Variants in CMSS1 observed in about 807,000 individuals in gnomAD.
CMSS1 encodes the protein cms1 ribosomal small subunit homolog.
In CMSS1, 33 loss-of-function variants were observed where a neutral mutation model predicts 43.5. That is an observed-to-expected ratio of 0.76 (90% CI 0.57 to 1.01). CMSS1 has a LOEUF of 1.01. Among genes scored for constraint, CMSS1 ranks in the 50% least tolerant of loss-of-function variants. CMSS1 has a pLI of 0.00. For synonymous variants in CMSS1, 115 were observed against 117.2 expected (o/e 0.98, Z 0.12); for missense variants, 313 against 326.4 (o/e 0.96, Z 0.32).
In CMSS1 at chr3:100,180,354, GC is replaced by G. The variant is rs1484580938; in HGVS notation, c.*1967del. 6.6e-6 allele frequency: 1 copy of G among 152,218 alleles called. No individual in the cohort carries two copies. The highest frequency in any genetic ancestry group is 2.4e-5 in the African/African-American group (1 of 41,468). 9.4% of individuals were successfully genotyped at this position (152,218 alleles called of 1,614,324 possible). On this transcript the variant is annotated 3_prime_UTR_variant, in exon 10 of 10. Transcript: ENST00000421999. ...ACATGGTCAGGCTGCAAATTTTCAA[GC>G]TTTTATACTCTGCTTTGCTTTTAAA...
At chr3:100,010,253 A>C in intron 1 of CMSS1, 2 of 379,498 alleles carry the variant, frequency 5.3e-6, no homozygotes, top group Non-Finnish European at 7.2e-6. Flanking sequence ...TTTTCCCCCC[A>C]CAACATTGTC....
At chr3:99,887,010 G>A (rs1705923124) in intron 1 of CMSS1, among the ~76,000 whole-genome samples, 1 of 151,034 alleles carries the variant, frequency 6.6e-6, no homozygotes. Context: ...GGTGGCTCAT[G>A]CCTGTAATCC....
chr3:99,907,726 T>C (rs374038152), intron 1 of CMSS1, among the ~76,000 whole-genome samples: 1 of 152,154 alleles, frequency 6.6e-6, no homozygotes, highest in Non-Finnish European at 1.5e-5. Context: ...CCTATAATGA[T>C]TTTTGTGTTC....
rs151028445 is a variant in CMSS1, at chr3:99,980,595, G to T, written c.64+162552G>T. On this transcript the variant is annotated intron_variant, in intron 1 of 9. Coordinates refer to ENST00000421999, the MANE Select transcript of CMSS1 (RefSeq NM_032359.4). Reference sequence around the variant, plus strand: ...ACTTAAGAAAAATTTAAAAATTACTGGCTTTCAGCAGTTTTTAGATTTCAG... The same window carrying T: ...ACTTAAGAAAAATTTAAAAATTACTTGCTTTCAGCAGTTTTTAGATTTCAG... Among the ~76,000 whole-genome samples the T allele has an allele frequency of 4.0e-3, 610 of 152,218 alleles. 2 individuals carry two copies. Among genetic ancestry groups the T allele is most frequent in the Non-Finnish European group, 5.4e-3 (367 of 68,024 alleles).
chr3:100,044,126 A>C (rs1027327878), intron 1 of CMSS1, among the ~76,000 whole-genome samples: 2 of 152,214 alleles, frequency 1.3e-5, no homozygotes, highest in Non-Finnish European at 2.9e-5. Flanking sequence ...CTTTAGAACA[A>C]GACACATTGA....
intron 1 of CMSS1, among the ~76,000 whole-genome samples, chr3:99,857,762 G>A (rs1413891415): frequency 1.3e-5 from 2 of 152,198 alleles, no homozygotes; most frequent in Non-Finnish European, 2.9e-5. Flanking sequence ...CCTGTAAATA[G>A]AGAATAACTT....
At chr3:100,112,701 A>G (rs1240348683) in intron 1 of CMSS1, among the ~76,000 whole-genome samples, 4 of 152,170 alleles carry the variant, frequency 2.6e-5, no homozygotes, top group African/African-American at 9.7e-5. Flanking sequence ...TGCTTTGGGA[A>G]ATTACTGAGA....
chr3:100,152,502 T>G (rs1016738149), intron 2 of CMSS1, among the ~76,000 whole-genome samples: 10 of 152,202 alleles, frequency 6.6e-5, no homozygotes, highest in Admixed American at 2.0e-4. Flanking sequence ...AGAGGCAGCT[T>G]GTTTAAAAAA....
chr3:99,909,610 CT>C (rs1307592058), intron 1 of CMSS1, among the ~76,000 whole-genome samples: 2 of 152,104 alleles, frequency 1.3e-5, no homozygotes, highest in African/African-American at 4.8e-5. Flanking sequence ...CTTGAAAAAT[CT>C]TTGCATAAAG....
chr3:100,037,466 ACG>A (rs1491043098), intron 1 of CMSS1, among the ~76,000 whole-genome samples: 3 of 152,168 alleles, frequency 2.0e-5, no homozygotes, highest in Non-Finnish European at 4.4e-5. Context: ...ACACACACAC[ACG>A]CACATTGTTA....
chr3:100,003,585 C>G (rs78665059), intron 1 of CMSS1, among the ~76,000 whole-genome samples: 1 of 152,114 alleles, frequency 6.6e-6, no homozygotes, highest in East Asian at 1.9e-4. Context: ...GAATCTCAGT[C>G]CCTTGACACT....
chr3:100,132,652 T>G (rs1391541365), intron 1 of CMSS1, among the ~76,000 whole-genome samples: 1 of 151,510 alleles, frequency 6.6e-6, no homozygotes, highest in Non-Finnish European at 1.5e-5. Context: ...ACCCCGTCTC[T>G]ACTAAAAATA....
chr3:99,999,922 C>A (rs539017733), intron 1 of CMSS1, among the ~76,000 whole-genome samples: 2 of 152,216 alleles, frequency 1.3e-5, no homozygotes, highest in African/African-American at 4.8e-5. Flanking sequence ...GGACTATGGG[C>A]CTCTGTTTGT....
At chr3:99,821,989 C>T (rs1331296009) in intron 1 of CMSS1, among the ~76,000 whole-genome samples, 1 of 151,786 alleles carries the variant, frequency 6.6e-6, no homozygotes, top group Non-Finnish European at 1.5e-5. Context: ...GAGCTTGCGA[C>T]GAGCCAAGAT....
intron 1 of CMSS1, among the ~76,000 whole-genome samples, chr3:99,818,930 T>C (rs78138712): frequency 6.6e-6 from 1 of 152,366 alleles, no homozygotes; most frequent in Non-Finnish European, 1.5e-5. Context: ...CATGCAATTA[T>C]TGGTTGGTTG....
chr3:99,998,490 AAGGGAAGT>A (rs1330653552), intron 1 of CMSS1, among the ~76,000 whole-genome samples: 1 of 152,186 alleles, frequency 6.6e-6, no homozygotes, highest in Non-Finnish European at 1.5e-5. Flanking sequence ...CAATTTGGTA[AAGGGAAGT>A]AGGGAAGTAG....
chr3:100,062,275 C>A (rs1393620051), intron 1 of CMSS1, among the ~76,000 whole-genome samples: 1 of 151,594 alleles, frequency 6.6e-6, no homozygotes, highest in Non-Finnish European at 1.5e-5. Context: ...CCACGCCCAG[C>A]TATTTTTTTG....
At chr3:99,839,678 GA>G (rs767444521) in intron 1 of CMSS1, among the ~76,000 whole-genome samples, 17 of 152,180 alleles carry the variant, frequency 1.1e-4, no homozygotes, top group Non-Finnish European at 2.5e-4. Context: ...AGGTATCTTT[GA>G]AAGAGACAGA....
intron 1 of CMSS1, among the ~76,000 whole-genome samples, chr3:99,834,530 C>T (rs1942816896): frequency 6.6e-6 from 1 of 152,152 alleles, no homozygotes; most frequent in Non-Finnish European, 1.5e-5. Context: ...TTGTGTCAGA[C>T]CAAGCATCAG....
Sources: gnomAD v4.1 joint callset for allele counts (sites outside exome capture counted in the v4.1 genomes callset) on GRCh38, gnomAD v4.1.1 for gene constraint, MANE v1.5 for transcripts, NCBI Gene and HGNC (gene_info 2026-07-23, HGNC 2026-07-21) for gene names.